Variants in EPHA6 observed in about 807,000 individuals in gnomAD.
EPHA6 encodes the protein ephrin type-A receptor 6.
Under a neutral mutation model 112.0 loss-of-function variants are expected in EPHA6, and 50 were observed. The ratio of observed to expected loss-of-function variants is 0.45; its 90% CI spans 0.36 to 0.56. EPHA6 has a LOEUF of 0.56. Ranked by LOEUF, EPHA6 falls within the 20% of genes least tolerant of loss-of-function variation. EPHA6 has a pLI of 0.00. For synonymous variants in EPHA6, 529 were observed against 490.7 expected, an observed-to-expected ratio of 1.08 and a Z score of -1.03; for missense variants, 1,280 against 1,417.4, an observed-to-expected ratio of 0.90 and a Z score of 1.56.
chr3:97,219,687 G>A (rs992143939), intron 3 of EPHA6, among the ~76,000 whole-genome samples: 9 of 152,296 alleles, frequency 5.9e-5, no homozygotes, highest in East Asian at 1.9e-4. Context: ...AAGTGCTGCC[G>A]TGAATATCTC....
At chr3:96,968,848 A>T (rs2042220328) in intron 2 of EPHA6, among the ~76,000 whole-genome samples, 1 of 151,942 alleles carries the variant, frequency 6.6e-6, no homozygotes, top group Non-Finnish European at 1.5e-5. Flanking sequence ...TTAAGAAAAG[A>T]TTAATGAAAC....
At chr3:97,695,965 A>C (rs1295135246) in intron 14 of EPHA6, among the ~76,000 whole-genome samples, 1 of 152,218 alleles carries the variant, frequency 6.6e-6, no homozygotes, top group Non-Finnish European at 1.5e-5. Context: ...CTTTTCTTAT[A>C]GAATCTTCTT....
At chr3:97,549,065 A>T (rs1356970698) in intron 11 of EPHA6, among the ~76,000 whole-genome samples, 2 of 152,156 alleles carry the variant, frequency 1.3e-5, no homozygotes, top group African/African-American at 4.8e-5. Flanking sequence ...ACAATTATAC[A>T]CTGTACATAA....
intron 3 of EPHA6, among the ~76,000 whole-genome samples, chr3:97,018,881 G>T (rs2044356104): frequency 1.3e-5 from 2 of 152,154 alleles, no homozygotes; most frequent in South Asian, 4.1e-4. Flanking sequence ...TTAGACCACG[G>T]TCCGCCTGGC....
intron 3 of EPHA6, among the ~76,000 whole-genome samples, chr3:97,121,677 G>T (rs940824722): frequency 6.6e-6 from 1 of 152,034 alleles, no homozygotes; most frequent in Non-Finnish European, 1.5e-5. Context: ...TTCCCAAGAG[G>T]TTCCATCCAG....
At chr3:97,600,326 G>A (rs2093632969) in intron 12 of EPHA6, among the ~76,000 whole-genome samples, 2 of 150,214 alleles carry the variant, frequency 1.3e-5, no homozygotes, top group South Asian at 2.1e-4. Flanking sequence ...GGTGAGAGAG[G>A]GCATCCCTGT....
At chr3:96,859,371 T>G (rs1398437821) in intron 1 of EPHA6, among the ~76,000 whole-genome samples, 2 of 149,474 alleles carry the variant, frequency 1.3e-5, no homozygotes, top group Non-Finnish European at 2.9e-5. Flanking sequence ...TGTTTACCTC[T>G]GATAATGGTT....
chr3:96,827,754 A>T (rs905624414), intron 1 of EPHA6, among the ~76,000 whole-genome samples: 2 of 152,158 alleles, frequency 1.3e-5, no homozygotes, highest in African/African-American at 4.8e-5. Flanking sequence ...TTTTACAGAG[A>T]TAACTTTCTT....
chr3:97,146,072 A>T (rs568704417), intron 3 of EPHA6, among the ~76,000 whole-genome samples: 5 of 151,932 alleles, frequency 3.3e-5, no homozygotes, highest in African/African-American at 1.2e-4. Context: ...CTCCTTTTAA[A>T]TTATACAATA....
intron 3 of EPHA6, among the ~76,000 whole-genome samples, chr3:97,191,330 A>G (rs765189801): frequency 3.3e-5 from 5 of 152,042 alleles, no homozygotes; most frequent in Admixed American, 1.3e-4. Context: ...TGTTCCAATT[A>G]TACTCTTTTA....
At chr3:97,316,791 TTTTGGGAAGTAA>T (rs1257955483) in intron 5 of EPHA6, among the ~76,000 whole-genome samples, 1 of 151,790 alleles carries the variant, frequency 6.6e-6, no homozygotes, top group Non-Finnish European at 1.5e-5. Context: ...TTCCCAAACA[TTTTGGGAAGTAA>T]TCAGTAAAGC....
At chr3:97,690,771 C>A (rs2032612366) in intron 14 of EPHA6, among the ~76,000 whole-genome samples, 1 of 152,014 alleles carries the variant, frequency 6.6e-6, no homozygotes, top group Admixed American at 6.6e-5. Flanking sequence ...CCCAGCCTTG[C>A]CCATTTTTTA....
intron 2 of EPHA6, among the ~76,000 whole-genome samples, chr3:96,905,192 C>G (rs1475882892): frequency 6.6e-6 from 1 of 151,988 alleles, no homozygotes; most frequent in Non-Finnish European, 1.5e-5. Flanking sequence ...ACTTATGCTA[C>G]TGCAAATAGA....
chr3:96,947,619 G>A (rs543678526), intron 2 of EPHA6, among the ~76,000 whole-genome samples: 114 of 152,270 alleles, frequency 7.5e-4, no homozygotes, highest in African/African-American at 2.6e-3. Flanking sequence ...CAAACAGAGA[G>A]CCAAATCATG....
chr3:97,612,533 C>A, intron 13 of EPHA6: 4 of 245,490 alleles, frequency 1.6e-5, no homozygotes, highest in South Asian at 4.6e-5. Context: ...AATAATGAAT[C>A]CATTAAATGT....
At chr3:97,297,438 TG>T (rs1372663354) in intron 5 of EPHA6, among the ~76,000 whole-genome samples, 1 of 152,200 alleles carries the variant, frequency 6.6e-6, no homozygotes, top group African/African-American at 2.4e-5. Flanking sequence ...TTACCTTTGA[TG>T]TCAATTTTTA....
chr3:97,367,493 T>C (rs2084801689), intron 5 of EPHA6, among the ~76,000 whole-genome samples: 1 of 152,096 alleles, frequency 6.6e-6, no homozygotes, highest in Non-Finnish European at 1.5e-5. Flanking sequence ...ACTCTTCTTT[T>C]GGTTTTTTGC....
intron 3 of EPHA6, among the ~76,000 whole-genome samples, chr3:97,138,330 C>T (rs2075814236): frequency 1.3e-5 from 2 of 152,186 alleles, no homozygotes; most frequent in African/African-American, 4.8e-5. Context: ...GCATCCTGCC[C>T]TAAGCTGCTG....
intron 1 of EPHA6, among the ~76,000 whole-genome samples, chr3:96,846,238 CA>C (rs2035066022): frequency 1.3e-5 from 2 of 152,016 alleles, no homozygotes; most frequent in African/African-American, 4.8e-5. Context: ...GCCACTGTCC[CA>C]TAGCGGTAAT....
Sources: allele counts gnomAD v4.1 joint callset (sites outside exome capture counted in the v4.1 genomes callset), GRCh38; gene constraint gnomAD v4.1.1; transcripts MANE v1.5; gene names NCBI Gene and HGNC (gene_info 2026-07-23, HGNC 2026-07-21).